The following AP3B1 variants were observed in gnomAD, a reference collection of about 807,000 sequenced individuals.
The protein encoded by AP3B1 is AP-3 complex subunit beta-1.
In AP3B1, 61 loss-of-function variants were observed where a neutral mutation model predicts 132.5. That is an observed-to-expected ratio of 0.46 (90% CI 0.37 to 0.57). The LOEUF (loss-of-function observed/expected upper bound fraction) is 0.57. AP3B1 is among the 20% of genes least tolerant of loss of function. The pLI, the probability that AP3B1 is intolerant of heterozygous loss-of-function variation, is 0.00. For missense variants in AP3B1, 1,120 were observed against 1,289.4 expected (o/e 0.87, Z 2.01); for synonymous variants, 388 against 438.3 (o/e 0.89, Z 1.43).
chr5:78,269,227 T>C (rs1308538584), intron 1 of AP3B1, among the ~76,000 whole-genome samples: 2 of 152,196 alleles, frequency 1.3e-5, no homozygotes, highest in Admixed American at 6.5e-5. Context: ...TTCAAATATA[T>C]TCATTTTTAA....
At chr5:78,098,790 G>A (rs1180417159) in intron 21 of AP3B1, among the ~76,000 whole-genome samples, 3 of 152,132 alleles carry the variant, frequency 2.0e-5, no homozygotes, top group Admixed American at 2.0e-4. Context: ...GAATAGCAGT[G>A]AGCAACACAG....
intron 22 of AP3B1, among the ~76,000 whole-genome samples, chr5:78,072,862 A>C (rs760880477): frequency 6.6e-6 from 1 of 151,384 alleles, no homozygotes; most frequent in Non-Finnish European, 1.5e-5. Context: ...GCTGGGATTA[A>C]AGGCACAAGC....
chr5:78,012,527 T>G (rs1746663206), intron 26 of AP3B1, among the ~76,000 whole-genome samples: 1 of 152,260 alleles, frequency 6.6e-6, no homozygotes, highest in African/African-American at 2.4e-5. Context: ...ATTACAGTCA[T>G]ACTTTAGCTA....
intron 12 of AP3B1, 41 bp from the exon 13 acceptor site, chr5:78,162,992 T>C (rs535206049): frequency 4.8e-5 from 76 of 1,593,102 alleles, no homozygotes; most frequent in Middle Eastern, 1.7e-4. Context: ...ACTGGTATTA[T>C]TGAGTTAACC....
At chr5:78,053,713 T>C (rs1034331222) in intron 22 of AP3B1, among the ~76,000 whole-genome samples, 2 of 142,648 alleles carry the variant, frequency 1.4e-5, no homozygotes, top group African/African-American at 5.1e-5. Context: ...AAAAGAAAAG[T>C]CCCCCTCAGG....
At chr5:78,203,278 C>T (rs181908826) in intron 7 of AP3B1, among the ~76,000 whole-genome samples, 10 of 152,246 alleles carry the variant, frequency 6.6e-5, no homozygotes, top group Admixed American at 2.0e-4. Flanking sequence ...AATTGACTCA[C>T]GGTTCAGCAT....
chr5:78,197,301 T>A (rs1487940022), intron 7 of AP3B1, among the ~76,000 whole-genome samples: 1 of 152,050 alleles, frequency 6.6e-6, no homozygotes, highest in Non-Finnish European at 1.5e-5. Flanking sequence ...AAAATCAGAA[T>A]AAAATATAGC....
At chr5:78,155,130 G>A (rs1335967094) in intron 14 of AP3B1, among the ~76,000 whole-genome samples, 1 of 152,174 alleles carries the variant, frequency 6.6e-6, no homozygotes, top group Non-Finnish European at 1.5e-5. Context: ...AGGGACTTGG[G>A]CCTCAAGCCC....
chr5:78,292,053 A>G, intron 1 of AP3B1, among the ~76,000 whole-genome samples: 1 of 151,934 alleles, frequency 6.6e-6, no homozygotes, highest in East Asian at 1.9e-4. Context: ...TTTTTTTTTT[A>G]ATTGGTAAAT....
At chr5:78,264,860 C>T (rs1019190877) in intron 2 of AP3B1, among the ~76,000 whole-genome samples, 1 of 152,186 alleles carries the variant, frequency 6.6e-6, no homozygotes, top group Non-Finnish European at 1.5e-5. Flanking sequence ...TGTAATTTTT[C>T]CAGTTGGCTT....
intron 11 of AP3B1, among the ~76,000 whole-genome samples, chr5:78,167,992 C>T (rs1743720405): frequency 6.7e-6 from 1 of 148,384 alleles, no homozygotes; most frequent in Non-Finnish European, 1.5e-5. Context: ...CCAAACACCA[C>T]CTGTTCACCA....
chr5:78,087,375 G>A lies in AP3B1; in HGVS notation c.2577+2018C>T, dbSNP rs143437931. ...CTGGTTGATTCATCTTCTTTTCTCA[G>A]TACTGTTCTGAGGGCTGGATGTGCT... On this transcript the variant is annotated intron_variant, in intron 22 of 26. Transcript: ENST00000255194. The A allele has an allele frequency of 7.5e-4, 188 of 250,922 alleles. 1 individual carries two copies. Among genetic ancestry groups the A allele is most frequent in the African/African-American group, 4.1e-3 (179 of 43,238 alleles). The allele number at this position is 250,922 out of a possible 1,614,324, so 15.5% of individuals were successfully genotyped here.
chr5:78,289,969 C>A (rs1020919678), intron 1 of AP3B1, among the ~76,000 whole-genome samples: 24 of 152,166 alleles, frequency 1.6e-4, no homozygotes, highest in African/African-American at 9.7e-5. Flanking sequence ...CTCCCCCTGG[C>A]AAAAACCTCA....
intron 22 of AP3B1, chr5:78,087,647 T>C (rs1377205354): frequency 2.0e-6 from 2 of 985,266 alleles, no homozygotes; most frequent in African/African-American, 1.7e-5. Context: ...TGCCCAACTT[T>C]AGATGGAGTG....
At chr5:78,011,131 C>T (rs1377717324) in intron 26 of AP3B1, among the ~76,000 whole-genome samples, 1 of 151,316 alleles carries the variant, frequency 6.6e-6, no homozygotes, top group African/African-American at 2.4e-5. Context: ...CAACCTCTCC[C>T]TCCTGGGTTC....
chr5:78,070,800 A>G (rs924057571), intron 22 of AP3B1, among the ~76,000 whole-genome samples: 24 of 152,240 alleles, frequency 1.6e-4, no homozygotes, highest in African/African-American at 5.5e-4. Flanking sequence ...TGGCCAACAA[A>G]CATGAAAGAA....
chr5:78,242,334 A>C (rs2112520965), intron 2 of AP3B1, among the ~76,000 whole-genome samples: 1 of 152,054 alleles, frequency 6.6e-6, no homozygotes, highest in South Asian at 2.1e-4. Context: ...AGCATCATCA[A>C]ATTTTACTCC....
chr5:78,209,402 C>G (rs1177172069), intron 7 of AP3B1, among the ~76,000 whole-genome samples: 1 of 152,152 alleles, frequency 6.6e-6, no homozygotes, highest in African/African-American at 2.4e-5. Flanking sequence ...TTATCATAAT[C>G]CAGACATTTC....
chr5:78,094,839 C>A (rs1419329544), intron 21 of AP3B1, among the ~76,000 whole-genome samples: 3 of 152,054 alleles, frequency 2.0e-5, no homozygotes, highest in South Asian at 2.1e-4. Flanking sequence ...CACCACCACG[C>A]CTGGCTAATT....
Sources: allele counts gnomAD v4.1 joint callset (sites outside exome capture counted in the v4.1 genomes callset), GRCh38; gene constraint gnomAD v4.1.1; transcripts MANE v1.5; gene names NCBI Gene and HGNC (gene_info 2026-07-23, HGNC 2026-07-21).